Variants in TDO2 observed in about 807,000 individuals in gnomAD.
TDO2 encodes tryptamin 2,3-dioxygenase.
Under a neutral mutation model 61.2 loss-of-function variants are expected in TDO2, and 63 were observed. The observed-to-expected ratio is 1.03, with a 90% CI of 0.84 to 1.27. The LOEUF (loss-of-function observed/expected upper bound fraction) is 1.27, where lower values mean the gene tolerates loss of function less well. Among genes scored for constraint, TDO2 ranks in the 50% most tolerant of loss-of-function variants. The pLI is 0.00. For synonymous variants in TDO2, 183 were observed against 164.0 expected (o/e 1.12, Z -0.89); for missense variants, 494 against 469.5 (o/e 1.05, Z -0.48).
At chr4:155,903,904 G>C in intron 1 of TDO2, 111 bp downstream of exon 1, 2 of 1,512,498 alleles carry the variant, frequency 1.3e-6, no homozygotes, top group Non-Finnish European at 1.8e-6. Context: ...TTATTCCTTT[G>C]TCTAACAATC....
intron 9 of TDO2, 22 bp from the exon 10 acceptor site, chr4:155,917,373 T>C (rs1742959934): frequency 6.3e-7 from 1 of 1,590,050 alleles, no homozygotes; most frequent in Admixed American, 1.8e-5. Flanking sequence ...ATATTCTTCT[T>C]TTTCTTCTTT....
chr4:155,904,858 CA>C (rs1742688710), intron 2 of TDO2, among the ~76,000 whole-genome samples: 1 of 151,942 alleles, frequency 6.6e-6, no homozygotes, highest in Non-Finnish European at 1.5e-5. Flanking sequence ...AAAATCCTAC[CA>C]AATAGAAATT....
chr4:155,909,106 G>A, intron 5 of TDO2, 92 bp downstream of exon 5: 1 of 1,329,910 alleles, frequency 7.5e-7, no homozygotes, highest in Non-Finnish European at 9.9e-7. Flanking sequence ...TGTGCCATGA[G>A]GAGCCTGTCT....
At chr4:155,904,696 A>G (rs1742686565) in intron 2 of TDO2, among the ~76,000 whole-genome samples, 1 of 152,192 alleles carries the variant, frequency 6.6e-6, no homozygotes, top group Non-Finnish European at 1.5e-5. Context: ...TTAACTGATA[A>G]AGAATGTTAA....
chr4:155,914,295 G>A, intron 7 of TDO2, 28 bp from the exon 8 acceptor site: 1 of 1,527,728 alleles, frequency 6.5e-7, no homozygotes, highest in South Asian at 1.2e-5. Flanking sequence ...TCTCTCTCAG[G>A]ACTATTAATG....
At chr4:155,914,054 CATCT>C (rs1473203461) in intron 7 of TDO2, among the ~76,000 whole-genome samples, 2 of 151,812 alleles carry the variant, frequency 1.3e-5, no homozygotes, top group Non-Finnish European at 2.9e-5. Context: ...CAATTTTGTC[CATCT>C]GAGTCCATTG....
chr4:155,909,304 A>G (rs1431899110), intron 5 of TDO2, among the ~76,000 whole-genome samples: 1 of 152,232 alleles, frequency 6.6e-6, no homozygotes, highest in Non-Finnish European at 1.5e-5. Context: ...TGACTAAAAT[A>G]GCTAATAAAA....
Position 155,920,108 on chromosome 4 carries a change from T to C in TDO2, c.*118T>C. Reference sequence around the variant, plus strand: ...CATATATTGTTCAGCACCACGATGCTCTGATTTAATTCTAGAAACAATTTG... The same window carrying C: ...CATATATTGTTCAGCACCACGATGCCCTGATTTAATTCTAGAAACAATTTG... On this transcript the variant is annotated 3_prime_UTR_variant, in exon 12 of 12. Transcript: ENST00000536354. 1.1e-6 allele frequency: 1 copy of C among 895,002 alleles called. No individual in the cohort carries two copies. Among genetic ancestry groups the C allele is most frequent in the Non-Finnish European group, 1.7e-6 (1 of 585,936 alleles). The allele number at this position is 895,002 out of a possible 1,614,324, so 55.4% of individuals were successfully genotyped here. A position where few individuals can be genotyped will look rare whatever the true frequency, so the allele number is the denominator to read the frequency against.
intron 9 of TDO2, 73 bp from the exon 10 acceptor site, chr4:155,917,322 T>A (rs1461284882): frequency 1.6e-6 from 2 of 1,275,634 alleles, no homozygotes; most frequent in East Asian, 5.0e-5. Context: ...CAACTGATTG[T>A]CAAACTCATG....
chr4:155,915,828 A>T (rs370705231), intron 8 of TDO2, 27 bp from the exon 9 acceptor site: 104 of 1,591,646 alleles, frequency 6.5e-5, no homozygotes, highest in Middle Eastern at 1.7e-4. Flanking sequence ...TGACCTAAAA[A>T]ATTTAAATTT....
chr4:155,910,737 A>G (rs1397661263), intron 6 of TDO2, among the ~76,000 whole-genome samples: 1 of 152,058 alleles, frequency 6.6e-6, no homozygotes, highest in African/African-American at 2.4e-5. Flanking sequence ...CAAAGATTGT[A>G]TTGTCTTGCT....
At chr4:155,918,009 G>A in intron 10 of TDO2, 140 bp from the exon 11 acceptor site, 1 of 766,256 alleles carries the variant, frequency 1.3e-6, no homozygotes, top group Non-Finnish European at 2.1e-6. Flanking sequence ...TGGCTCTCAT[G>A]TATGAGCCTT....
intron 1 of TDO2, 98 bp downstream of exon 1, chr4:155,903,891 C>T (rs1742670428): frequency 6.6e-7 from 1 of 1,526,260 alleles, no homozygotes; most frequent in Non-Finnish European, 9.1e-7. Flanking sequence ...AAAACTGTCA[C>T]CTTTATTCCT....
intron 7 of TDO2, among the ~76,000 whole-genome samples, chr4:155,912,636 T>C (rs1206445301): frequency 1.3e-5 from 2 of 152,114 alleles, no homozygotes; most frequent in African/African-American, 2.4e-5. Context: ...TAGAGTTTTG[T>C]AGTCCATTGG....
At chr4:155,909,508 G>A (rs1332114113) in intron 5 of TDO2, among the ~76,000 whole-genome samples, 2 of 152,128 alleles carry the variant, frequency 1.3e-5, no homozygotes, top group Non-Finnish European at 2.9e-5. Context: ...ATTGGGTGTA[G>A]GATGTAACAT....
intron 7 of TDO2, among the ~76,000 whole-genome samples, 193 bp downstream of exon 7, chr4:155,911,797 C>T (rs1017653176): frequency 6.6e-6 from 1 of 151,882 alleles, no homozygotes; most frequent in Non-Finnish European, 1.5e-5. Context: ...TAAAATAAGA[C>T]CTTCATTGCA....
Position 155,911,619 on chromosome 4 carries a change from T to G in TDO2, c.726+15T>G, listed in dbSNP as rs1465116231. The G allele has an allele frequency of 6.8e-7, 1 of 1,472,830 alleles. No individual in the cohort carries two copies. The highest frequency in any genetic ancestry group is 1.4e-5 in the South Asian group (1 of 72,764). The allele number at this position is 1,472,830 out of a possible 1,614,324, so 91.2% of individuals were successfully genotyped here. ...TAAGGATTCAGGTATTTAGATGACA[T>G]GAGTTAATATAAATTCAATACAGAA... On this transcript the variant is annotated intron_variant, in intron 7 of 11. Transcript: ENST00000536354.
rs764047025 is a variant in TDO2 at position 155,919,999 on chromosome 4, G to T, written c.*9G>T. On this transcript the variant is annotated 3_prime_UTR_variant, in exon 12 of 12. Coordinates refer to ENST00000536354, the MANE Select transcript of TDO2 (RefSeq NM_005651.4). ...GTGATGAATCAGATTAAAATCGTCT[G>T]CAAAATCTATGAAGAATACTGGTTT... 4.3e-6 allele frequency: 7 copies of T among 1,610,276 alleles called. No individual in the cohort carries two copies. In the South Asian group the frequency reaches 7.8e-5, roughly 18 times the overall value.
At chr4:155,913,986 T>G (rs947105640) in intron 7 of TDO2, among the ~76,000 whole-genome samples, 1 of 152,152 alleles carries the variant, frequency 6.6e-6, no homozygotes, top group Non-Finnish European at 1.5e-5. Context: ...GTTACCTTAC[T>G]TCCTGTGTTT....
Sources: gnomAD v4.1 joint callset for allele counts (sites outside exome capture counted in the v4.1 genomes callset) on GRCh38, gnomAD v4.1.1 for gene constraint, MANE v1.5 for transcripts, NCBI Gene and HGNC (gene_info 2026-07-23, HGNC 2026-07-21) for gene names.